ZMYM4: variants seen among roughly 807,000 people sequenced by gnomAD.
ZMYM4 encodes the protein zinc finger MYM-type containing 4, also known as zinc finger MYM-type protein 4.
In ZMYM4, 31 loss-of-function variants were observed where a neutral mutation model predicts 183.2. The ratio of observed to expected loss-of-function variants is 0.17; its 90% CI spans 0.13 to 0.23. ZMYM4 has a LOEUF of 0.23. Ranked by LOEUF, ZMYM4 falls within the 10% of genes least tolerant of loss-of-function variation. The pLI, the probability that ZMYM4 is intolerant of heterozygous loss-of-function variation, is 1.00. For synonymous variants in ZMYM4, 592 were observed against 631.2 expected, an observed-to-expected ratio of 0.94 and a Z score of 0.93; for missense variants, 1,273 against 1,840.3, an observed-to-expected ratio of 0.69 and a Z score of 5.64.
chr1:35,344,246 G>T (rs948455351), intron 2 of ZMYM4, among the ~76,000 whole-genome samples: 14 of 151,896 alleles, frequency 9.2e-5, no homozygotes, highest in African/African-American at 3.1e-4. Context: ...TAGAGATGGG[G>T]TTTCTCCATG....
intron 26 of ZMYM4, among the ~76,000 whole-genome samples, chr1:35,409,586 C>A (rs973810825): frequency 2.0e-5 from 3 of 151,954 alleles, no homozygotes; most frequent in Admixed American, 1.3e-4. Context: ...GGAGAAATGT[C>A]TATTTAAGTC....
In ZMYM4 at chr1:35,327,714, A is replaced by C. The variant is rs549855665; in HGVS notation, c.85+2309A>C. The stretch of plus-strand genomic sequence containing the variant: ...ATACTAGGATATTTCATAAAATATA[A>C]GATAAAATGAATTTCCTGCAGGGTA... On this transcript the variant is annotated intron_variant, in intron 2 of 29. Transcript: ENST00000314607. Among the ~76,000 whole-genome samples, 12 of 152,356 alleles carry C rather than the reference A, an allele frequency of 7.9e-5. No individual in the cohort carries two copies. In the East Asian group the frequency reaches 1.7e-3, roughly 22 times the overall value.
At chr1:35,393,790 G>A (rs1558159138) in intron 18 of ZMYM4, 51 bp downstream of exon 18, 2 of 1,531,524 alleles carry the variant, frequency 1.3e-6, no homozygotes, top group Non-Finnish European at 1.8e-6. Context: ...GGAAAGAAAT[G>A]TAGGATCTAC....
At chr1:35,370,653 T>C in intron 7 of ZMYM4, 26 bp downstream of exon 7, 1 of 1,557,518 alleles carries the variant, frequency 6.4e-7, no homozygotes, top group Non-Finnish European at 8.7e-7. Context: ...AAATTATCTT[T>C]TTTGTTTCTT....
intron 5 of ZMYM4, among the ~76,000 whole-genome samples, chr1:35,367,657 G>A (rs757614349): frequency 5.3e-5 from 8 of 152,128 alleles, no homozygotes; most frequent in Admixed American, 1.3e-4. Flanking sequence ...TTTATCAATG[G>A]CAAATGAAAG....
In ZMYM4 at chr1:35,330,700, A is replaced by G. The variant is rs889904216; in HGVS notation, c.85+5295A>G. Among the ~76,000 whole-genome samples the G allele has an allele frequency of 3.3e-5, 5 of 152,162 alleles. No homozygotes were observed. In the East Asian group the frequency reaches 7.7e-4, roughly 23 times the overall value. ...GCAACAACCTTTTTTCAAAGGTGCTACAACTGTTTCTATTTCACTAAGGAG... is the reference window on the plus strand; with the variant it reads ...GCAACAACCTTTTTTCAAAGGTGCTGCAACTGTTTCTATTTCACTAAGGAG... On this transcript the variant is annotated intron_variant, in intron 2 of 29. Transcript: ENST00000314607.
chr1:35,391,522 A>G (rs1644705310), intron 15 of ZMYM4, among the ~76,000 whole-genome samples: 1 of 152,156 alleles, frequency 6.6e-6, no homozygotes, highest in South Asian at 2.1e-4. Context: ...AGCAAAATCT[A>G]CAAGAGCCTA....
At chr1:35,348,114 C>T (rs1025479862) in intron 2 of ZMYM4, among the ~76,000 whole-genome samples, 16 of 152,206 alleles carry the variant, frequency 1.1e-4, no homozygotes, top group South Asian at 4.1e-4. Flanking sequence ...TGAAAAACAA[C>T]AATTTGTTTT....
chr1:35,343,265 T>C (rs1194966713), intron 2 of ZMYM4, among the ~76,000 whole-genome samples: 2 of 152,238 alleles, frequency 1.3e-5, no homozygotes, highest in African/African-American at 4.8e-5. Context: ...CATAAGATCA[T>C]GAAAATTTGT....
chr1:35,402,899 G>T (rs1644936172), intron 23 of ZMYM4, among the ~76,000 whole-genome samples: 1 of 152,162 alleles, frequency 6.6e-6, no homozygotes, highest in South Asian at 2.1e-4. Flanking sequence ...AGTATCTTCA[G>T]TACAATGTTG....
At chr1:35,304,246 G>A (rs1396104600) in intron 1 of ZMYM4, among the ~76,000 whole-genome samples, 1 of 151,886 alleles carries the variant, frequency 6.6e-6, no homozygotes, top group Non-Finnish European at 1.5e-5. Context: ...GGCTGGTCTC[G>A]AACTCCTGAC....
At chr1:35,370,008 T>G (rs1458341129) in intron 5 of ZMYM4, 21 bp from the exon 6 acceptor site, 1 of 1,562,238 alleles carries the variant, frequency 6.4e-7, no homozygotes, top group East Asian at 2.3e-5. Flanking sequence ...ATGTATTTAT[T>G]TATTTTTTTC....
chr1:35,313,106 C>T (rs1415435973), intron 1 of ZMYM4, among the ~76,000 whole-genome samples: 1 of 152,080 alleles, frequency 6.6e-6, no homozygotes, highest in African/African-American at 2.4e-5. Context: ...GTTGCCCAGG[C>T]TGGTCTGGAA....
chr1:35,396,248 T>C (rs1188620), intron 18 of ZMYM4, among the ~76,000 whole-genome samples: 36,576 of 152,084 alleles, frequency 0.24, 9,069 homozygotes, highest in East Asian at 0.77. Flanking sequence ...CTTTAGCAAG[T>C]GGTTTTCCAT....
Position 35,370,567 on chromosome 1 carries a change from C to T in ZMYM4, c.1121C>T (p.Thr374Ile). The change falls in exon 7 of 30, where the codon ACA (threonine) becomes ATA (isoleucine). Residue 374 changes from threonine to isoleucine, a missense_variant. Transcript: ENST00000314607. ...FCSTLCLTGYTVPPARPPPPL... is the reference protein window; with the variant it reads ...FCSTLCLTGYIVPPARPPPPL... ...TCCACACTGTGCCTCACTGGATATACAGTTCCACCTGCCCGCCCACCGCCT... is the reference window on the plus strand; with the variant it reads ...TCCACACTGTGCCTCACTGGATATATAGTTCCACCTGCCCGCCCACCGCCT... The T allele has an allele frequency of 6.2e-7, 1 of 1,612,988 alleles. No homozygotes were observed.
intron 2 of ZMYM4, among the ~76,000 whole-genome samples, chr1:35,332,292 A>G (rs1642785339): frequency 1.3e-5 from 2 of 151,970 alleles, no homozygotes; most frequent in Non-Finnish European, 2.9e-5. Context: ...TTGCATTCTG[A>G]TTACTGGTAT....
intron 2 of ZMYM4, among the ~76,000 whole-genome samples, chr1:35,331,835 T>TAAATAAAA (rs1553168587): frequency 4.6e-5 from 7 of 150,576 alleles, no homozygotes; most frequent in Middle Eastern, 3.4e-3. Flanking sequence ...AATAAATAAA[T>TAAATAAAA]AAAATTGTGG....
intron 29 of ZMYM4, among the ~76,000 whole-genome samples, 171 bp downstream of exon 29, chr1:35,418,743 T>C (rs2149051782): frequency 6.6e-6 from 1 of 152,316 alleles, no homozygotes; most frequent in East Asian, 1.9e-4. Context: ...CAAAACAAAT[T>C]ACCTTGTCTT....
intron 1 of ZMYM4, among the ~76,000 whole-genome samples, chr1:35,280,289 T>A (rs1640093722): frequency 6.6e-6 from 1 of 151,196 alleles, no homozygotes; most frequent in Non-Finnish European, 1.5e-5. Context: ...TCCCTCTCTC[T>A]CTCTTCTTTC....
Sources: gnomAD v4.1 joint callset for allele counts (sites outside exome capture counted in the v4.1 genomes callset) on GRCh38, gnomAD v4.1.1 for gene constraint, MANE v1.5 for transcripts, NCBI Gene and HGNC (gene_info 2026-07-23, HGNC 2026-07-21) for gene names.